COL2A1: variants seen among roughly 807,000 people sequenced by gnomAD.
The protein encoded by COL2A1 is collagen type II alpha 1 chain.
Under a neutral mutation model 204.5 loss-of-function variants are expected in COL2A1, and 28 were observed. The observed-to-expected ratio is 0.14, with a 90% CI of 0.10 to 0.19. The LOEUF is 0.19. Ranked by LOEUF, COL2A1 falls within the 10% of genes least tolerant of loss-of-function variation. The pLI is 1.00. For missense variants in COL2A1, 1,388 were observed against 2,027.5 expected (o/e 0.68, Z 6.06); for synonymous variants, 708 against 718.7 (o/e 0.99, Z 0.24).
rs200772957 is a variant in COL2A1 at position 47,978,680 on chromosome 12, G to T, written c.2812C>A (p.Pro938Thr). 1 of 1,613,210 alleles carries T rather than the reference G, an allele frequency of 6.2e-7. No homozygotes were observed. Residue 938 changes from proline to threonine, a missense_variant, in exon 42 of 54, where the codon CCT (proline) becomes ACT (threonine). By Grantham distance (38) the Pro-to-Thr change is conservative (BLOSUM62 -1). Around this residue, in one of 3 missense-constraint regions of COL2A1, gnomAD observed 884 missense variants for 1,415.8 expected, o/e 0.62. Coordinates refer to ENST00000380518, the MANE Select transcript of COL2A1 (RefSeq NM_001844.5). The surrounding 1 kb of genome is among the most constrained non-coding windows in gnomAD (Gnocchi z 5.5). ...AGGCCGGGTTCACCAGCTCGGCCAGGGGGGCCGCTGTCTCCTCGAGCACCT... is the reference window on the plus strand; with the variant it reads ...AGGCCGGGTTCACCAGCTCGGCCAGTGGGGCCGCTGTCTCCTCGAGCACCT... Reference protein sequence around the residue: ...PKGARGDSGPPGRAGEPGLQG... With the variant: ...PKGARGDSGPTGRAGEPGLQG...
intron 1 of COL2A1, chr12:48,002,832 A>G (rs1165352737): frequency 6.6e-6 from 1 of 152,274 alleles, no homozygotes; most frequent in Non-Finnish European, 1.5e-5. Context: ...TGACCCGGCC[A>G]GAGTCTCCTG....
intron 1 of COL2A1, chr12:48,003,169 T>C (rs1940314667): frequency 6.6e-6 from 1 of 152,208 alleles, no homozygotes; most frequent in Non-Finnish European, 1.5e-5. Context: ...TCCCAGACAG[T>C]GGACCTTACC....
At chr12:47,984,494 C>G in intron 28 of COL2A1, 52 bp downstream of exon 28, 9 of 1,592,440 alleles carry the variant, frequency 5.7e-6, no homozygotes, top group Non-Finnish European at 7.8e-6. Context: ...CCTGTCCTCC[C>G]TGCAGATGCC....
In COL2A1 at chr12:47,978,251, G is replaced by C. The variant is rs1428101574; in HGVS notation, c.3003+40C>G. Reference sequence around the variant, plus strand: ...AGGGAGGTAGAAGCCTTGGCAGGCAGGGCCCAGCTTGGATGGAGGGAGGGA... The same window carrying C: ...AGGGAGGTAGAAGCCTTGGCAGGCACGGCCCAGCTTGGATGGAGGGAGGGA... On this transcript the variant is annotated intron_variant, in intron 43 of 53. Coordinates refer to ENST00000380518, the MANE Select transcript of COL2A1 (RefSeq NM_001844.5). The surrounding 1 kb of genome is among the most constrained non-coding windows in gnomAD (Gnocchi z 5.5). 6.2e-7 allele frequency: 1 copy of C among 1,608,852 alleles called. No homozygotes were observed. Among genetic ancestry groups the C allele is most frequent in the Non-Finnish European group, 8.5e-7 (1 of 1,176,466 alleles).
chr12:47,981,672 G>A (rs1939093025), intron 36 of COL2A1, 104 bp downstream of exon 36: 1 of 1,313,256 alleles, frequency 7.6e-7, no homozygotes, highest in African/African-American at 1.5e-5. Context: ...TTGGCCGAGG[G>A]TGACAGTGGT....
At chr12:47,981,267 G>A (rs898175578) in intron 37 of COL2A1, 76 bp downstream of exon 37, 7 of 1,481,700 alleles carry the variant, frequency 4.7e-6, no homozygotes, top group Non-Finnish European at 6.5e-6. Context: ...GCAGCATGAG[G>A]GCCTGCACTG....
At chr12:47,974,888 TG>T in intron 51 of COL2A1, 26 bp from the exon 52 acceptor site, 2 of 1,606,822 alleles carry the variant, frequency 1.2e-6, no homozygotes, top group Non-Finnish European at 1.7e-6. Flanking sequence ...GCAGCACCCA[TG>T]GGGGCTCAGA....
In COL2A1 at chr12:47,982,964, A is replaced by G; in HGVS notation, c.2095-18T>C. The G allele has an allele frequency of 6.2e-7, 1 of 1,613,202 alleles. No individual in the cohort carries two copies. The highest frequency in any genetic ancestry group is 1.1e-5 in the South Asian group (1 of 91,054). ...CGTTCACCCTGCGGCAGAGACACCA[A>G]GAAGTGATCAACCAACAGCAGTGGG... On this transcript the variant is annotated intron_variant, in intron 32 of 53. Transcript: ENST00000380518.
chr12:47,989,618 ACTT>A lies in COL2A1; in HGVS notation c.1068+140_1068+142del, dbSNP rs979785082. 12 of 799,150 alleles carry A rather than the reference ACTT, an allele frequency of 1.5e-5. No individual in the cohort carries two copies. In the Admixed American group the frequency reaches 1.9e-4, roughly 13 times the overall value. 49.5% of individuals were successfully genotyped at this position (799,150 alleles called of 1,614,324 possible). On this transcript the variant is annotated intron_variant, in intron 17 of 53. Transcript: ENST00000380518. ...CGATATGCTCAATTGATATTTACAA[ACTT>A]CTTCTCTTTCCTCCCCCTTTCCAGT...
Position 47,980,816 on chromosome 12 carries a change from G to T in COL2A1, c.2517+99C>A. ...GGAGGCGGGAAAGGAGAGGAGAGGA[G>T]CATCCATTTCCCTCCCTGACAAGCT... On this transcript the variant is annotated intron_variant, in intron 38 of 53. Coordinates refer to ENST00000380518, the MANE Select transcript of COL2A1 (RefSeq NM_001844.5). This position sits in a 1 kb window ranked among gnomAD's most constrained non-coding sequence, Gnocchi z 4.5. The T allele has an allele frequency of 7.0e-7, 1 of 1,438,774 alleles. No individual in the cohort carries two copies. Among genetic ancestry groups the T allele is most frequent in the Non-Finnish European group, 9.6e-7 (1 of 1,044,346 alleles). 89.1% of individuals were successfully genotyped at this position (1,438,774 alleles called of 1,614,324 possible).
intron 16 of COL2A1, among the ~76,000 whole-genome samples, chr12:47,992,379 G>T (rs1283340711): frequency 6.6e-6 from 1 of 152,188 alleles, no homozygotes; most frequent in Non-Finnish European, 1.5e-5. Flanking sequence ...AAGATGAGAT[G>T]AAGTAAAGCA....
chr12:47,975,517 C>G lies in COL2A1; in HGVS notation c.3686G>C (p.Arg1229Thr), dbSNP rs776705338. 17 of 1,610,678 alleles carry G rather than the reference C, an allele frequency of 1.1e-5. No homozygotes were observed. Among genetic ancestry groups the G allele is most frequent in the Non-Finnish European group, 1.4e-5 (17 of 1,179,990 alleles). ...CTGCAGGGGGTCGGGGCCCTTCTCT[C>G]TCGGGCCTAAGCCAGCAAAGGCGGA... ...DMSAFAGLGP[R>T]EKGPDPLQYM... The change falls in exon 51 of 54, where the codon AGA becomes ACA. Residue 1229 changes from arginine (R) to threonine (T), a missense_variant. Arg to Thr is a moderately conservative substitution (Grantham distance 71). Around this residue, in one of 3 missense-constraint regions of COL2A1, gnomAD observed 303 missense variants for 369.2 expected, o/e 0.82. Transcript: ENST00000380518.
intron 1 of COL2A1, among the ~76,000 whole-genome samples, chr12:48,000,574 C>G (rs978451937): frequency 1.3e-5 from 2 of 152,148 alleles, no homozygotes; most frequent in African/African-American, 4.8e-5. Flanking sequence ...AGCCCAGGAG[C>G]AGAGAAGTCT....
Position 47,994,491 on chromosome 12 carries a change from G to C in COL2A1, c.763-14C>G. 6.2e-7 allele frequency: 1 copy of C among 1,613,588 alleles called. No individual in the cohort carries two copies. The highest frequency in any genetic ancestry group is 8.5e-7 in the Non-Finnish European group (1 of 1,179,964). On this transcript the variant is annotated splice_polypyrimidine_tract_variant and intron_variant, in intron 11 of 53. Transcript: ENST00000380518. The stretch of plus-strand genomic sequence containing the variant: ...TCCAGCTTCACCCTGAAGGGAGAGA[G>C]AGAGATATCCCAGCTTCCTCAGAGA...
At chr12:48,003,398 A>C (rs1056716106) in intron 1 of COL2A1, among the ~76,000 whole-genome samples, 10 of 151,974 alleles carry the variant, frequency 6.6e-5, no homozygotes, top group Non-Finnish European at 1.3e-4. Flanking sequence ...TCATTGTAGT[A>C]CCTCGGGGCG....
At chr12:47,990,471 C>A (rs1364514194) in intron 16 of COL2A1, among the ~76,000 whole-genome samples, 1 of 152,226 alleles carries the variant, frequency 6.6e-6, no homozygotes, top group Non-Finnish European at 1.5e-5. Flanking sequence ...GTGCTTCCTG[C>A]CTGCTCAGGG....
chr12:47,977,450 C>A lies in COL2A1; in HGVS notation c.3166-23G>T, dbSNP rs576509273. On this transcript the variant is annotated intron_variant, in intron 45 of 53. Coordinates refer to ENST00000380518, the MANE Select transcript of COL2A1 (RefSeq NM_001844.5). ...ACCCTGTCAGGAGAGAGGTCTCAGG[C>A]TCAGAGAAGAATGTTCCAGAAGAGA... 2.5e-6 allele frequency: 4 copies of A among 1,600,862 alleles called. No individual in the cohort carries two copies. The East Asian group carries it at 8.9e-5, about 36-fold the overall frequency.
intron 6 of COL2A1, 49 bp downstream of exon 6, chr12:47,997,822 G>A (rs1940033567): frequency 2.5e-6 from 4 of 1,612,978 alleles, no homozygotes; most frequent in Non-Finnish European, 2.5e-6. Context: ...TGGGGCCTTG[G>A]GGGACCTGGG....
At position 47,983,137 on chromosome 12, in the gene COL2A1, C is replaced by A. The variant is rs1231988113; in HGVS notation, c.2050G>T (p.Gly684Cys). The change falls in exon 32 of 54, where the codon GGT becomes TGT. Residue 684 changes from glycine (G) to cysteine (C), a missense_variant and splice_region_variant. Coordinates refer to ENST00000380518, the MANE Select transcript of COL2A1 (RefSeq NM_001844.5). Reference protein sequence around the residue: ...PGEGGKPGDQGVPGEAGAPGL... With the variant: ...PGEGGKPGDQCVPGEAGAPGL... ...GGGGCTCCAGCTTCACCGGGAACAC[C>A]CTGGAGAACAAAGAAAGATGTGTGA... 1 of 1,613,576 alleles carries A rather than the reference C, an allele frequency of 6.2e-7. No homozygotes were observed.
Sources: allele counts gnomAD v4.1 joint callset (sites outside exome capture counted in the v4.1 genomes callset), GRCh38; gene constraint gnomAD v4.1.1; regional missense constraint gnomAD v4.1.1; non-coding constraint Gnocchi (gnomAD v3.1); transcripts MANE v1.5; gene names NCBI Gene and HGNC (gene_info 2026-07-23, HGNC 2026-07-21).